The following EVC variants were observed in gnomAD, a reference collection of about 807,000 sequenced individuals.
The protein encoded by EVC is evC complex member EVC.
Under a neutral mutation model 118.9 loss-of-function variants are expected in EVC, and 116 were observed. The ratio of observed to expected loss-of-function variants is 0.98; its 90% CI spans 0.84 to 1.14. The LOEUF is 1.14. Ranked by LOEUF, EVC falls within the 50% of genes most tolerant of loss-of-function variation. The pLI is 0.00. For synonymous variants in EVC, 619 were observed against 534.7 expected (o/e 1.16, Z -2.18); for missense variants, 1,401 against 1,246.4 (o/e 1.12, Z -1.87).
Position 5,741,741 on chromosome 4 carries a change from G to A in EVC, c.728G>A (p.Cys243Tyr), listed in dbSNP as rs1224632863. 3.2e-6 allele frequency: 5 copies of A among 1,572,670 alleles called. No individual in the cohort carries two copies. The highest frequency in any genetic ancestry group is 2.2e-5 in the East Asian group (1 of 44,520). ...HMMFIQIFKM[C>Y]LLDLLPKKKS... ...ATGTTTATTCAGATTTTTAAAATGTGCCTCCTTGACCTTCTTCCTAAAAAG... is the reference window on the plus strand; with the variant it reads ...ATGTTTATTCAGATTTTTAAAATGTACCTCCTTGACCTTCTTCCTAAAAAG... The change falls in exon 6 of 21, where the codon TGC becomes TAC. Residue 243 changes from cysteine (C) to tyrosine (Y), a missense_variant. Transcript: ENST00000264956.
intron 2 of EVC, among the ~76,000 whole-genome samples, chr4:5,725,679 C>T (rs1262020371): frequency 6.6e-6 from 1 of 152,142 alleles, no homozygotes; most frequent in African/African-American, 2.4e-5. Context: ...TTGTCTTACA[C>T]TCTGATGATA....
At chr4:5,793,195 C>G (rs1451493386) in intron 12 of EVC, among the ~76,000 whole-genome samples, 1 of 151,920 alleles carries the variant, frequency 6.6e-6, no homozygotes, top group East Asian at 1.9e-4. Flanking sequence ...ACCAATAGAA[C>G]AAAGTACAGA....
the EVC span, chr4:5,824,615 C>G: frequency 1.1e-6 from 1 of 950,730 alleles, no homozygotes; most frequent in Non-Finnish European, 1.3e-6. Context: ...GATCCATGAC[C>G]TGAGAATAGT....
chr4:5,810,237 C>T (rs1375698223), intron 19 of EVC, 102 bp from the exon 20 acceptor site: 2 of 897,656 alleles, frequency 2.2e-6, no homozygotes, highest in African/African-American at 3.3e-5. Context: ...TTGGCCCACA[C>T]AACATGCTCA....
chr4:5,792,349 G>A (rs772165989), intron 12 of EVC, among the ~76,000 whole-genome samples: 13 of 152,182 alleles, frequency 8.5e-5, no homozygotes, highest in Admixed American at 2.6e-4. Context: ...AAAAGAGAGT[G>A]CATGATACTA....
the EVC span, chr4:5,825,195 G>C: frequency 3.0e-6 from 3 of 985,386 alleles, no homozygotes; most frequent in East Asian, 2.3e-4. This position sits in a 1 kb window ranked among gnomAD's most constrained non-coding sequence, Gnocchi z 4.4. Context: ...ATGAGGAAGA[G>C]TGTGAAAGTG....
intron 1 of EVC, among the ~76,000 whole-genome samples, chr4:5,716,168 A>G (rs1723929671): frequency 6.6e-6 from 1 of 152,262 alleles, no homozygotes; most frequent in Non-Finnish European, 1.5e-5. Context: ...GCACCAAGCC[A>G]GGAGGACTAG....
chr4:5,750,775 C>T (rs1730226960), intron 8 of EVC, among the ~76,000 whole-genome samples: 1 of 152,026 alleles, frequency 6.6e-6, no homozygotes, highest in Admixed American at 6.6e-5. Context: ...GAGAAATAGA[C>T]AGCAAAAAAT....
intron 17 of EVC, among the ~76,000 whole-genome samples, chr4:5,806,114 C>T (rs1288532335): frequency 2.0e-5 from 3 of 150,852 alleles, no homozygotes; most frequent in African/African-American, 4.9e-5. Flanking sequence ...GAGTCTTGCT[C>T]TGTTGCCCAG....
At chr4:5,823,928 T>C in the EVC span, among the ~76,000 whole-genome samples, 4 of 152,348 alleles carry the variant, frequency 2.6e-5, no homozygotes, top group East Asian at 1.9e-4. Flanking sequence ...GAGGTTGTTA[T>C]GATGTTGGAA....
chr4:5,828,169 T>TGGGCAGGATTACTTAAGATG, the EVC span: 1 of 985,306 alleles, frequency 1.0e-6, no homozygotes, highest in Non-Finnish European at 1.2e-6. Flanking sequence ...CTCCCGTGGG[T>TGGGCAGGATTACTTAAGATG]GGGCAGGATT....
At chr4:5,770,399 G>A (rs1406913406) in intron 11 of EVC, among the ~76,000 whole-genome samples, 1 of 152,164 alleles carries the variant, frequency 6.6e-6, no homozygotes, top group Non-Finnish European at 1.5e-5. Flanking sequence ...CATTCCAGGG[G>A]CTGAGAGGTG....
At chr4:5,758,356 G>A (rs888585775) in intron 11 of EVC, 22 of 524,400 alleles carry the variant, frequency 4.2e-5, no homozygotes, top group Admixed American at 1.4e-4. Flanking sequence ...GAAACTAAAC[G>A]GAAGGCGATC....
At position 5,754,713 on chromosome 4, in the gene EVC, TGGGTGACCTTG is replaced by T. The variant is rs2152086094; in HGVS notation, c.1464+783_1464+793del. On this transcript the variant is annotated intron_variant, in intron 10 of 20. Transcript: ENST00000264956. This position sits in a 1 kb window ranked among gnomAD's most constrained non-coding sequence, Gnocchi z 5.8. ...GGTGCTGACTCTGCCACTAAATAGC[TGGGTGACCTTG>T]GGCATGTTGCTTACCCTCTGGCCCT... 6.6e-6 allele frequency among the ~76,000 whole-genome samples: 1 copy of T among 152,264 alleles called. No individual in the cohort carries two copies. The highest frequency in any genetic ancestry group is 2.1e-4 in the South Asian group (1 of 4,826).
intron 1 of EVC, among the ~76,000 whole-genome samples, chr4:5,717,945 G>C (rs192430717): frequency 3.3e-5 from 5 of 152,290 alleles, no homozygotes; most frequent in African/African-American, 1.2e-4. Context: ...TATTTTGTTC[G>C]TTACTCTATT....
At chr4:5,741,647 CAGAA>C in intron 5 of EVC, 65 bp from the exon 6 acceptor site, 1 of 907,022 alleles carries the variant, frequency 1.1e-6, no homozygotes, top group Non-Finnish European at 1.8e-6. Flanking sequence ...GAAGAGAAAA[CAGAA>C]AGCAAAAGAC....
chr4:5,815,384 A>G (rs1029875669), downstream of EVC, among the ~76,000 whole-genome samples: 27 of 152,196 alleles, frequency 1.8e-4, no homozygotes, highest in African/African-American at 5.3e-4. Flanking sequence ...CGTAACGTGC[A>G]TGGCATGGGG....
intron 11 of EVC, among the ~76,000 whole-genome samples, chr4:5,763,823 GA>G (rs1311599918): frequency 3.0e-5 from 3 of 100,762 alleles, no homozygotes; most frequent in Non-Finnish European, 6.1e-5. Flanking sequence ...GGGTTTTCTA[GA>G]TATACAATCA....
chr4:5,777,809 G>T (rs1487851754), intron 11 of EVC, among the ~76,000 whole-genome samples: 3 of 150,592 alleles, frequency 2.0e-5, no homozygotes, highest in Non-Finnish European at 2.9e-5. Context: ...TCATTAGGTT[G>T]AATTAACATT....
Sources: gnomAD v4.1 joint callset for allele counts (sites outside exome capture counted in the v4.1 genomes callset) on GRCh38, gnomAD v4.1.1 for gene constraint, Gnocchi (gnomAD v3.1) non-coding constraint, MANE v1.5 for transcripts, NCBI Gene and HGNC (gene_info 2026-07-23, HGNC 2026-07-21) for gene names.